Variants in OTUD7A observed in about 807,000 individuals in gnomAD.
OTUD7A encodes OTU deubiquitinase 7A.
A neutral mutation model predicts 65.7 loss-of-function variants in OTUD7A; 12 were observed. The ratio of observed to expected loss-of-function variants is 0.18; its 90% confidence interval spans 0.12 to 0.30. OTUD7A has a LOEUF of 0.30. Ranked by LOEUF, OTUD7A falls within the 10% of genes least tolerant of loss-of-function variation. OTUD7A has a pLI of 1.00. For missense variants in OTUD7A, 1,148 were observed against 1,304.8 expected (o/e 0.88, Z 1.85); for synonymous variants, 641 against 586.3 (o/e 1.09, Z -1.35).
chr15:31,604,664 G>A (rs1001628511), intron 3 of OTUD7A, among the ~76,000 whole-genome samples: 1 of 152,226 alleles, frequency 6.6e-6, no homozygotes, highest in Non-Finnish European at 1.5e-5. Flanking sequence ...AGCTGCTAGA[G>A]CAGTGCCTTT....
chr15:31,694,399 C>T (rs980596515), intron 1 of OTUD7A, among the ~76,000 whole-genome samples: 5 of 152,168 alleles, frequency 3.3e-5, no homozygotes, highest in African/African-American at 1.2e-4. Context: ...GCCCAGATCC[C>T]CTCAAGCCCC....
intron 3 of OTUD7A, among the ~76,000 whole-genome samples, chr15:31,646,265 A>T (rs1477240936): frequency 6.6e-6 from 1 of 152,060 alleles, no homozygotes; most frequent in Non-Finnish European, 1.5e-5. Context: ...TGGTGGGCAC[A>T]TAAGTGAAGC....
At position 31,484,156 on chromosome 15, in the gene OTUD7A, A is replaced by C; in HGVS notation, c.1940T>G (p.Leu647Arg). ...CTGGTGCCGGTGGCTGGTGAGCAGC[A>C]GGCCGGCGAAGATGAACTTGCGCTC... ...QGERKFIFAG[L>R]LLTSHRHQFH... Residue 647 changes from leucine (L) to arginine (R), a missense_variant, in exon 13 of 13, where the codon CTG (leucine) becomes CGG (arginine). By Grantham distance (102) the Leu-to-Arg change is moderately radical. Coordinates refer to ENST00000307050, the MANE Select transcript of OTUD7A (RefSeq NM_001382637.1). The surrounding 1 kb of genome is among the most constrained non-coding windows in gnomAD (Gnocchi z 4.5). 6.2e-7 allele frequency: 1 copy of C among 1,610,370 alleles called. No individual in the cohort carries two copies. The highest frequency in any genetic ancestry group is 8.5e-7 in the Non-Finnish European group (1 of 1,179,542).
chr15:31,742,271 G>A (rs1229707816), intron 1 of OTUD7A, among the ~76,000 whole-genome samples: 3 of 152,046 alleles, frequency 2.0e-5, no homozygotes, highest in Non-Finnish European at 4.4e-5. Flanking sequence ...AAAAATAACA[G>A]GGCAATCTCA....
chr15:31,857,112 A>G (rs897797535), intron 1 of OTUD7A, among the ~76,000 whole-genome samples: 1 of 152,162 alleles, frequency 6.6e-6, no homozygotes, highest in Non-Finnish European at 1.5e-5. Flanking sequence ...CTTCCTTGAG[A>G]CGCCTCAGCT....
intron 1 of OTUD7A, among the ~76,000 whole-genome samples, chr15:31,817,126 C>T (rs1342450515): frequency 1.3e-5 from 2 of 152,054 alleles, no homozygotes; most frequent in Admixed American, 6.5e-5. Flanking sequence ...CTATGAGCAC[C>T]GTTTCCCTGG....
At chr15:31,794,521 A>C (rs549349207) in intron 1 of OTUD7A, among the ~76,000 whole-genome samples, 1 of 149,914 alleles carries the variant, frequency 6.7e-6, no homozygotes, top group South Asian at 2.1e-4. Context: ...GGAGGGTGGG[A>C]GAAAGCCACA....
At chr15:31,861,660 G>C (rs984917573) in intron 1 of OTUD7A, among the ~76,000 whole-genome samples, 1 of 152,156 alleles carries the variant, frequency 6.6e-6, no homozygotes, top group Non-Finnish European at 1.5e-5. Context: ...ACAAGGTAGA[G>C]ACAGAATAAT....
chr15:31,688,130 T>C (rs1219019513), intron 1 of OTUD7A, among the ~76,000 whole-genome samples: 2 of 151,400 alleles, frequency 1.3e-5, no homozygotes, highest in African/African-American at 2.4e-5. Flanking sequence ...ACAGGAGAAT[T>C]GCTTGAATCC....
intron 10 of OTUD7A, among the ~76,000 whole-genome samples, chr15:31,488,068 C>T (rs2041265950): frequency 6.6e-6 from 1 of 152,174 alleles, no homozygotes; most frequent in Non-Finnish European, 1.5e-5. Flanking sequence ...ACCCACCCGC[C>T]CCTGCCCGTG....
intron 1 of OTUD7A, among the ~76,000 whole-genome samples, chr15:31,799,351 G>A (rs183829768): frequency 8.5e-5 from 13 of 152,296 alleles, no homozygotes; most frequent in Admixed American, 3.9e-4. Context: ...GTTCCTAAGT[G>A]GTGGATCTGG....
At chr15:31,863,216 C>CT (rs1406881167) in intron 1 of OTUD7A, among the ~76,000 whole-genome samples, 1 of 152,202 alleles carries the variant, frequency 6.6e-6, no homozygotes, top group Non-Finnish European at 1.5e-5. Context: ...TGTTGAGTGT[C>CT]TATGGCTTTT....
chr15:31,519,796 G>A (rs2041914009), intron 8 of OTUD7A, among the ~76,000 whole-genome samples: 1 of 152,166 alleles, frequency 6.6e-6, no homozygotes, highest in Non-Finnish European at 1.5e-5. Context: ...CACAAATTTA[G>A]TAAAGTTTCA....
intron 1 of OTUD7A, among the ~76,000 whole-genome samples, chr15:31,863,341 T>C (rs1897794234): frequency 6.6e-6 from 1 of 152,236 alleles, no homozygotes; most frequent in Non-Finnish European, 1.5e-5. Context: ...GTGGGGGCTC[T>C]GACCCCACAT....
At chr15:31,862,957 T>C (rs995785819) in intron 1 of OTUD7A, among the ~76,000 whole-genome samples, 1 of 152,122 alleles carries the variant, frequency 6.6e-6, no homozygotes, top group Admixed American at 6.5e-5. Flanking sequence ...ACAATGGGGG[T>C]ACAGGTATTT....
At chr15:31,833,347 G>C (rs1320291209) in intron 1 of OTUD7A, among the ~76,000 whole-genome samples, 1 of 152,200 alleles carries the variant, frequency 6.6e-6, no homozygotes, top group African/African-American at 2.4e-5. Flanking sequence ...ATACACATTT[G>C]ATGCAAGCAT....
In OTUD7A at chr15:31,475,963, A is replaced by G. The variant is rs1347735353; in HGVS notation, c.*7331T>C. ...ACGTTTAATGGAACAAAGCAAACAC[A>G]GGGTGAGGATGGTCCCTTGTTATAA... On this transcript the variant is annotated 3_prime_UTR_variant, in exon 13 of 13. Coordinates refer to ENST00000307050, the MANE Select transcript of OTUD7A (RefSeq NM_001382637.1). 6.6e-6 allele frequency: 1 copy of G among 152,374 alleles called. No individual in the cohort carries two copies. The highest frequency in any genetic ancestry group is 1.5e-5 in the Non-Finnish European group (1 of 68,026). The allele number at this position is 152,374 out of a possible 1,614,324, so 9.4% of individuals were successfully genotyped here. A position where few individuals can be genotyped will look rare whatever the true frequency, so the allele number is the denominator to read the frequency against.
intron 1 of OTUD7A, among the ~76,000 whole-genome samples, chr15:31,786,915 T>C (rs1400274624): frequency 6.6e-6 from 1 of 152,196 alleles, no homozygotes; most frequent in Non-Finnish European, 1.5e-5. Flanking sequence ...CCTGTCGTTC[T>C]ACAAAACAAA....
intron 3 of OTUD7A, among the ~76,000 whole-genome samples, chr15:31,618,373 G>A (rs1052774430): frequency 6.6e-6 from 1 of 152,208 alleles, no homozygotes; most frequent in African/African-American, 2.4e-5. Flanking sequence ...CACAATGGTT[G>A]AACTAGTTTA....
Sources: gnomAD v4.1 joint callset for allele counts (sites outside exome capture counted in the v4.1 genomes callset) on GRCh38, gnomAD v4.1.1 for gene constraint, Gnocchi (gnomAD v3.1) non-coding constraint, MANE v1.5 for transcripts, NCBI Gene and HGNC (gene_info 2026-07-23, HGNC 2026-07-21) for gene names.